The following PLCB4 variants were observed in gnomAD, a reference collection of about 807,000 sequenced individuals.
PLCB4 encodes phospholipase C beta 4, also known as 1-phosphatidylinositol 4,5-bisphosphate phosphodiesterase beta-4.
PLCB4 carries 77 observed loss-of-function variants against 178.8 expected under a neutral mutation model. That is an observed-to-expected ratio of 0.43 (90% confidence interval 0.36 to 0.52). The LOEUF (loss-of-function observed/expected upper bound fraction) is 0.52, where lower values mean the gene tolerates loss of function less well. Ranked by LOEUF, PLCB4 falls within the 20% of genes least tolerant of loss-of-function variation. The probability of loss-of-function intolerance (pLI) is 0.00; values close to 1 mark genes in which losing one functional copy is unlikely to be tolerated. For missense variants in PLCB4, 1,024 were observed against 1,453.4 expected, an observed-to-expected ratio of 0.70 and a Z score of 4.80; for synonymous variants, 496 against 490.8, an observed-to-expected ratio of 1.01 and a Z score of -0.14.
intron 2 of PLCB4, among the ~76,000 whole-genome samples, chr20:9,153,046 C>A (rs181338715): frequency 6.6e-6 from 1 of 152,266 alleles, no homozygotes; most frequent in African/African-American, 2.4e-5. Flanking sequence ...GCCAATGCCT[C>A]CTATTTGGAA....
intron 9 of PLCB4, among the ~76,000 whole-genome samples, chr20:9,370,067 G>T (rs570423409): frequency 9.2e-4 from 140 of 152,326 alleles, no homozygotes; most frequent in Middle Eastern, 6.8e-3. Context: ...GTGTTCCAGG[G>T]TACCAAGTCC....
chr20:9,108,413 C>T (rs765088477), intron 2 of PLCB4, among the ~76,000 whole-genome samples: 6 of 152,034 alleles, frequency 3.9e-5, no homozygotes, highest in East Asian at 1.9e-4. Flanking sequence ...GGGCATATGG[C>T]GTCTTAGAAT....
In PLCB4 at chr20:9,287,100, T is replaced by A. The variant is rs57131461; in HGVS notation, c.-15-20700T>A. On this transcript the variant is annotated intron_variant, in intron 3 of 39. Transcript: ENST00000378473. ...TTTGTTAACAATGTACATTTTATTTTAAAAAAAATCATGACAATAAATTCA... is the reference window on the plus strand; with the variant it reads ...TTTGTTAACAATGTACATTTTATTTAAAAAAAAATCATGACAATAAATTCA... Among the ~76,000 whole-genome samples the A allele has an allele frequency of 3.8e-4, 58 of 152,034 alleles. No individual in the cohort carries two copies. In the East Asian group the frequency reaches 4.1e-3, roughly 11 times the overall value.
intron 3 of PLCB4, among the ~76,000 whole-genome samples, chr20:9,286,226 AG>A (rs2094535410): frequency 6.6e-6 from 1 of 152,020 alleles, no homozygotes; most frequent in African/African-American, 2.4e-5. Context: ...TCTTGGACAT[AG>A]ATGCCTACAA....
At chr20:9,213,158 T>C (rs1035628268) in intron 2 of PLCB4, among the ~76,000 whole-genome samples, 1 of 70,362 alleles carries the variant, frequency 1.4e-5, no homozygotes, top group Admixed American at 1.8e-4. Flanking sequence ...TTTTTTTTTT[T>C]AGACAAAGTC....
chr20:9,430,003 G>A (rs531926418), intron 28 of PLCB4, among the ~76,000 whole-genome samples: 1 of 152,136 alleles, frequency 6.6e-6, no homozygotes, highest in Non-Finnish European at 1.5e-5. Flanking sequence ...GGAAGAATAA[G>A]AATTGTCTTG....
intron 2 of PLCB4, among the ~76,000 whole-genome samples, chr20:9,214,439 C>A (rs1020369785): frequency 6.6e-6 from 1 of 152,192 alleles, no homozygotes; most frequent in Middle Eastern, 3.4e-3. Flanking sequence ...AATGAAACAG[C>A]TTTTGTTTGC....
chr20:9,091,479 A>C (rs2090675921), intron 1 of PLCB4, among the ~76,000 whole-genome samples: 1 of 151,958 alleles, frequency 6.6e-6, no homozygotes, highest in Non-Finnish European at 1.5e-5. Flanking sequence ...CAAAAGTGAG[A>C]AGCAGCATTG....
intron 1 of PLCB4, among the ~76,000 whole-genome samples, chr20:9,077,636 T>G (rs980321289): frequency 2.6e-5 from 4 of 152,204 alleles, no homozygotes; most frequent in Non-Finnish European, 5.9e-5. Flanking sequence ...TCTTGTAGAA[T>G]CAGAGAGTTG....
chr20:9,258,572 G>A (rs1001166382), intron 3 of PLCB4, among the ~76,000 whole-genome samples: 3 of 151,920 alleles, frequency 2.0e-5, no homozygotes, highest in Non-Finnish European at 4.4e-5. Flanking sequence ...AAAATTAGCC[G>A]GGTGTGGTGG....
intron 1 of PLCB4, among the ~76,000 whole-genome samples, chr20:9,085,655 T>C (rs1264181624): frequency 6.6e-6 from 1 of 152,230 alleles, no homozygotes; most frequent in Non-Finnish European, 1.5e-5. Context: ...ACTGCCTTGC[T>C]GACACCTACT....
chr20:9,423,401 C>T (rs907923576), intron 27 of PLCB4, among the ~76,000 whole-genome samples: 1 of 152,208 alleles, frequency 6.6e-6, no homozygotes. Context: ...CCAGGCCCCA[C>T]TCTGTCACTG....
At chr20:9,432,896 G>C (rs2041522039) in intron 28 of PLCB4, among the ~76,000 whole-genome samples, 1 of 152,202 alleles carries the variant, frequency 6.6e-6, no homozygotes, top group African/African-American at 2.4e-5. Flanking sequence ...TAGACCCTGT[G>C]TCTCCTCCAG....
At chr20:9,300,113 G>A (rs1177145768) in intron 3 of PLCB4, among the ~76,000 whole-genome samples, 1 of 152,106 alleles carries the variant, frequency 6.6e-6, no homozygotes, top group Non-Finnish European at 1.5e-5. Flanking sequence ...TTGTTGATAT[G>A]TTTTTAGAAA....
At chr20:9,335,103 C>T (rs1032465442) in intron 4 of PLCB4, among the ~76,000 whole-genome samples, 1 of 152,032 alleles carries the variant, frequency 6.6e-6, no homozygotes, top group Non-Finnish European at 1.5e-5. Context: ...CACCATTTTA[C>T]GATGTACTTT....
At chr20:9,127,519 T>C (rs2092147132) in intron 2 of PLCB4, among the ~76,000 whole-genome samples, 1 of 152,166 alleles carries the variant, frequency 6.6e-6, no homozygotes, top group Non-Finnish European at 1.5e-5. Context: ...CTATGGATGG[T>C]TTTCCTTGGG....
chr20:9,072,698 C>T (rs2089631624), intron 1 of PLCB4, among the ~76,000 whole-genome samples: 1 of 152,122 alleles, frequency 6.6e-6, no homozygotes, highest in African/African-American at 2.4e-5. Flanking sequence ...TGGGTGGAAG[C>T]TCACGACTTT....
chr20:9,468,344 G>T (rs1373558989), intron 35 of PLCB4, among the ~76,000 whole-genome samples: 1 of 152,032 alleles, frequency 6.6e-6, no homozygotes, highest in African/African-American at 2.4e-5. Flanking sequence ...ATAAACAGAA[G>T]TATTTTTGTT....
intron 1 of PLCB4, among the ~76,000 whole-genome samples, chr20:9,073,890 AAT>A (rs2089695465): frequency 1.4e-5 from 2 of 140,144 alleles, no homozygotes; most frequent in African/African-American, 5.2e-5. Flanking sequence ...TCTATTAAAA[AAT>A]AATAATAAAA....
Sources: gnomAD v4.1 joint callset for allele counts (sites outside exome capture counted in the v4.1 genomes callset) on GRCh38, gnomAD v4.1.1 for gene constraint, MANE v1.5 for transcripts, NCBI Gene and HGNC (gene_info 2026-07-23, HGNC 2026-07-21) for gene names.